The following SNRNP35 variants were observed in gnomAD, a reference collection of about 807,000 sequenced individuals.
SNRNP35 encodes U11/U12 small nuclear ribonucleoprotein 35 kDa protein.
A neutral mutation model predicts 24.3 loss-of-function variants in SNRNP35; 16 were observed. The observed-to-expected ratio is 0.66, with a 90% confidence interval of 0.45 to 1.00. The LOEUF is 1.00. SNRNP35 is among the 50% of genes least tolerant of loss of function. SNRNP35 has a pLI of 0.00. For synonymous variants in SNRNP35, 106 were observed against 124.8 expected, an observed-to-expected ratio of 0.85 and a Z score of 1.00; for missense variants, 292 against 327.2, an observed-to-expected ratio of 0.89 and a Z score of 0.83.
rs1161460930 is a variant in SNRNP35 at position 123,459,730 on chromosome 12, G to A, written c.-4+1514G>A. The A allele has an allele frequency of 5.6e-6, 5 of 895,490 alleles. No individual in the cohort carries two copies. In the African/African-American group the frequency reaches 8.4e-5, roughly 15 times the overall value. 55.5% of individuals were successfully genotyped at this position (895,490 alleles called of 1,614,324 possible). ...TTGAACCTGGGAGGCAGAGGTTGCAGTGAGCCGAGATTGGCCATTGCACTC... is the reference window on the plus strand; with the variant it reads ...TTGAACCTGGGAGGCAGAGGTTGCAATGAGCCGAGATTGGCCATTGCACTC... On this transcript the variant is annotated intron_variant, in intron 1 of 1. Transcript: ENST00000526639.
downstream of SNRNP35, among the ~76,000 whole-genome samples, chr12:123,467,134 C>G (rs76420018): frequency 0.023 from 3,477 of 152,222 alleles, 71 homozygotes; most frequent in Admixed American, 0.063. Context: ...ATATCCATAG[C>G]CCAAGAGTTT....
chr12:123,461,699 T>G (rs1156820099), intron 1 of SNRNP35, among the ~76,000 whole-genome samples: 1 of 151,920 alleles, frequency 6.6e-6, no homozygotes, highest in Non-Finnish European at 1.5e-5. Context: ...GTTTGCCTGA[T>G]TTGGACTAAA....
downstream of SNRNP35, chr12:123,471,927 AG>A (rs1881214402): frequency 6.5e-6 from 1 of 153,656 alleles, no homozygotes; most frequent in Non-Finnish European, 1.5e-5. Flanking sequence ...TCAGGAACGC[AG>A]CCAGGGTGCC....
At chr12:123,460,399 C>A (rs1467815449) in intron 1 of SNRNP35, among the ~76,000 whole-genome samples, 1 of 151,872 alleles carries the variant, frequency 6.6e-6, no homozygotes, top group African/African-American at 2.4e-5. Flanking sequence ...TTGTGTCTGA[C>A]CTTTTTCATC....
In SNRNP35 at chr12:123,466,489, C is replaced by T. The variant is rs1880991078; in HGVS notation, c.*208C>T. 2.1e-6 allele frequency: 1 copy of T among 484,460 alleles called. No individual in the cohort carries two copies. The highest frequency in any genetic ancestry group is 2.0e-5 in the African/African-American group (1 of 50,084). 30.0% of individuals were successfully genotyped at this position (484,460 alleles called of 1,614,324 possible). A position where few individuals can be genotyped will look rare whatever the true frequency, so the allele number is the denominator to read the frequency against. On this transcript the variant is annotated 3_prime_UTR_variant, in exon 2 of 2. Transcript: ENST00000526639. ...ATAGTTCTAAGGACATGTTATTTAA[C>T]AGGATCAAGAAGCAATTTTGTAGTT...
intron 1 of SNRNP35, among the ~76,000 whole-genome samples, chr12:123,464,121 TG>T (rs1880802633): frequency 1.3e-5 from 2 of 150,704 alleles, no homozygotes. Context: ...TTAGTTGAGA[TG>T]GGGTTTCTCT....
chr12:123,459,022 G>C (rs1880450929), intron 1 of SNRNP35: 1 of 151,988 alleles, frequency 6.6e-6, no homozygotes, highest in Non-Finnish European at 1.5e-5. Flanking sequence ...CTGCAGCGTC[G>C]ACATTTCGGG....
At chr12:123,462,708 C>G (rs1880701840) in intron 1 of SNRNP35, among the ~76,000 whole-genome samples, 1 of 152,018 alleles carries the variant, frequency 6.6e-6, no homozygotes, top group African/African-American at 2.4e-5. Context: ...CCAGGCTGGT[C>G]TTGAACTCCT....
chr12:123,472,878 C>T (rs117739839), exon 2 of SNRNP35: 17 of 588,884 alleles, frequency 2.9e-5, no homozygotes, highest in East Asian at 1.8e-4. Flanking sequence ...CATTTGGACA[C>T]GGTACCTTGG....
At chr12:123,470,979 A>G (rs1881163179), downstream of SNRNP35, 1 of 152,124 alleles carries the variant, frequency 6.6e-6, no homozygotes, top group South Asian at 2.1e-4. Context: ...TAACGCAGCA[A>G]TAATTACCCT....
At chr12:123,462,500 CTT>C (rs144727236) in intron 1 of SNRNP35, among the ~76,000 whole-genome samples, 150 of 128,628 alleles carry the variant, frequency 1.2e-3, no homozygotes, top group African/African-American at 3.7e-3. Flanking sequence ...GGTCAGAGGT[CTT>C]TTTTTTTTTT....
chr12:123,468,497 T>C (rs1446515493), downstream of SNRNP35, among the ~76,000 whole-genome samples: 1 of 152,176 alleles, frequency 6.6e-6, no homozygotes, highest in East Asian at 1.9e-4. Context: ...GAGACCAGTC[T>C]GGGCAACGTG....
intron 1 of SNRNP35, among the ~76,000 whole-genome samples, chr12:123,463,364 G>GT (rs902246012): frequency 0.027 from 3,878 of 146,242 alleles, 162 homozygotes; most frequent in African/African-American, 0.087. Flanking sequence ...AACAGGTCAA[G>GT]TTTTTTTTTT....
At position 123,466,071 on chromosome 12, in the gene SNRNP35, A is replaced by G; in HGVS notation, c.531A>G (p.Arg177=). 1 of 1,613,864 alleles carries G rather than the reference A, an allele frequency of 6.2e-7. No individual in the cohort carries two copies. The highest frequency in any genetic ancestry group is 1.1e-5 in the South Asian group (1 of 91,056). The change falls in exon 2 of 2, where the codon AGA becomes AGG. Residue 177 remains arginine, a synonymous_variant. Transcript: ENST00000526639. ...NLPVVKNDLY[R]EGKRERRERS... is the part of the protein sequence containing the mutation. Reference sequence around the variant, plus strand: ...CAGTTGTTAAAAACGACCTCTATAGAGAGGGAAAACGGGAAAGGCGGGAGC... The same window carrying G: ...CAGTTGTTAAAAACGACCTCTATAGGGAGGGAAAACGGGAAAGGCGGGAGC...
downstream of SNRNP35, among the ~76,000 whole-genome samples, chr12:123,468,166 C>T (rs1376522785): frequency 1.3e-5 from 2 of 150,536 alleles, no homozygotes; most frequent in Admixed American, 1.3e-4. Flanking sequence ...CGAGACCATC[C>T]TGGCCAACAT....
At position 123,465,769 on chromosome 12, in the gene SNRNP35, A is replaced by C. The variant is rs771281894; in HGVS notation, c.229A>C (p.Ile77Leu). Residue 77 changes from isoleucine (I) to leucine (L), a missense_variant, in exon 2 of 2, where the codon ATC (isoleucine) becomes CTC (leucine). Transcript: ENST00000526639. This position sits in a 1 kb window ranked among gnomAD's most constrained non-coding sequence, Gnocchi z 4.2. ...LKEVFSRYGD[I>L]RRLRLVRDLV... ...GGAAGTCTTTTCCCGCTATGGTGAC[A>C]TCCGGCGGCTTCGGCTGGTCAGGGA... 1 of 1,614,160 alleles carries C rather than the reference A, an allele frequency of 6.2e-7. No individual in the cohort carries two copies. The highest frequency in any genetic ancestry group is 8.5e-7 in the Non-Finnish European group (1 of 1,180,032).
At chr12:123,471,457 C>T (rs367550229), downstream of SNRNP35, 1 of 152,214 alleles carries the variant, frequency 6.6e-6, no homozygotes, top group Non-Finnish European at 1.5e-5. Flanking sequence ...GGTGCTACCT[C>T]GCTCAATCTG....
exon 2 of SNRNP35, chr12:123,472,611 A>G: frequency 1.3e-6 from 2 of 1,582,398 alleles, no homozygotes; most frequent in Non-Finnish European, 1.7e-6. Context: ...CCACTGTCCA[A>G]AGGACTCCTG....
intron 1 of SNRNP35, among the ~76,000 whole-genome samples, chr12:123,463,691 C>T (rs888010261): frequency 1.3e-5 from 2 of 151,896 alleles, no homozygotes; most frequent in Admixed American, 1.3e-4. Context: ...TGAGCTACCG[C>T]GCTCGCCAGT....
Sources: gnomAD v4.1 joint callset for allele counts (sites outside exome capture counted in the v4.1 genomes callset) on GRCh38, gnomAD v4.1.1 for gene constraint, Gnocchi (gnomAD v3.1) non-coding constraint, MANE v1.5 for transcripts, NCBI Gene and HGNC (gene_info 2026-07-23, HGNC 2026-07-21) for gene names.